Variants in SPIN1 observed in about 807,000 individuals in gnomAD.
The protein encoded by SPIN1 is spindlin-1.
In SPIN1, 3 loss-of-function variants were observed where a neutral mutation model predicts 26.0. That is an observed-to-expected ratio of 0.12 (90% confidence interval 0.05 to 0.30). The LOEUF (loss-of-function observed/expected upper bound fraction) is 0.30, where lower values mean the gene tolerates loss of function less well. Ranked by LOEUF, SPIN1 falls within the 10% of genes least tolerant of loss-of-function variation. SPIN1 has a pLI of 1.00. For missense variants in SPIN1, 126 were observed against 333.4 expected, an observed-to-expected ratio of 0.38 and a Z score of 4.84; for synonymous variants, 101 against 116.5, an observed-to-expected ratio of 0.87 and a Z score of 0.86.
rs181769987 is a variant in SPIN1 at position 88,447,383 on chromosome 9, T to G, written c.53-1558T>G. On this transcript the variant is annotated intron_variant, in intron 2 of 5. Coordinates refer to ENST00000375859, the MANE Select transcript of SPIN1 (RefSeq NM_006717.3). ...TGGAGTTACAATCTGCTACTTTTTTTTGTGTCTAATAATTTTTGTTGGTGT... is the reference window on the plus strand; with the variant it reads ...TGGAGTTACAATCTGCTACTTTTTTGTGTGTCTAATAATTTTTGTTGGTGT... Among the ~76,000 whole-genome samples, 68 of 152,352 alleles carry G rather than the reference T, an allele frequency of 4.5e-4. 1 individual carries two copies. Among genetic ancestry groups the G allele is most frequent in the East Asian group, 1.9e-4 (1 of 5,192 alleles).
chr9:88,438,751 C>T (rs949509813), intron 2 of SPIN1, among the ~76,000 whole-genome samples: 1 of 152,136 alleles, frequency 6.6e-6, no homozygotes, highest in Non-Finnish European at 1.5e-5. Flanking sequence ...ACTTCAACAT[C>T]TGAAACTTTT....
At chr9:88,420,073 A>C (rs1827641297) in intron 1 of SPIN1, among the ~76,000 whole-genome samples, 1 of 152,216 alleles carries the variant, frequency 6.6e-6, no homozygotes, top group South Asian at 2.1e-4. Context: ...ATCACAGTCA[A>C]GTTTAAAAGA....
rs1828909755 is a variant in SPIN1 at position 88,477,540 on chromosome 9, G to T, written c.*2263G>T. 2 of 150,820 alleles carry T rather than the reference G, an allele frequency of 1.3e-5. No homozygotes were observed. Among genetic ancestry groups the T allele is most frequent in the Non-Finnish European group, 3.0e-5 (2 of 67,562 alleles). The allele number at this position is 150,820 out of a possible 1,614,324, so 9.3% of individuals were successfully genotyped here. On this transcript the variant is annotated 3_prime_UTR_variant, in exon 6 of 6. Transcript: ENST00000375859. ...TAGGGCTGAGGGAAAGGGAAGGTTT[G>T]TTTTTTTTTCTCCCCATTTTCCCCC...
intron 1 of SPIN1, chr9:88,411,173 C>G (rs1827435515): frequency 7.2e-7 from 1 of 1,398,292 alleles, no homozygotes; most frequent in Admixed American, 1.7e-5. Flanking sequence ...GGCACCTGGT[C>G]TTTAAGAATC....
At chr9:88,390,753 T>C (rs1016062463) in intron 1 of SPIN1, among the ~76,000 whole-genome samples, 6 of 152,180 alleles carry the variant, frequency 3.9e-5, no homozygotes, top group African/African-American at 1.4e-4. Flanking sequence ...AGACATGGAA[T>C]CACAATGGCC....
chr9:88,412,043 G>A (rs1313838000), intron 1 of SPIN1, among the ~76,000 whole-genome samples: 1 of 151,662 alleles, frequency 6.6e-6, no homozygotes, highest in Non-Finnish European at 1.5e-5. Flanking sequence ...GCTGGGCCTT[G>A]TGGTGGGCGC....
rs536666937 is a variant in SPIN1 at position 88,395,868 on chromosome 9, G to A, written c.-159+7330G>A. Among the ~76,000 whole-genome samples the A allele has an allele frequency of 8.5e-5, 13 of 152,096 alleles. No homozygotes were observed. The East Asian group carries it at 2.3e-3, about 27-fold the overall frequency. ...TCAAGAACAGCCTGACCAACGTGGTGAAACCCCATCTCTGCTAAAAATACA... is the reference window on the plus strand; with the variant it reads ...TCAAGAACAGCCTGACCAACGTGGTAAAACCCCATCTCTGCTAAAAATACA... On this transcript the variant is annotated intron_variant, in intron 1 of 5. Transcript: ENST00000375859.
At chr9:88,451,223 C>T (rs1471723492) in intron 3 of SPIN1, among the ~76,000 whole-genome samples, 1 of 152,142 alleles carries the variant, frequency 6.6e-6, no homozygotes, top group Non-Finnish European at 1.5e-5. Flanking sequence ...GGCTCAATGA[C>T]GGTGGCCCTC....
At chr9:88,414,848 T>G (rs1306845284) in intron 1 of SPIN1, among the ~76,000 whole-genome samples, 1 of 152,210 alleles carries the variant, frequency 6.6e-6, no homozygotes, top group African/African-American at 2.4e-5. Context: ...TTTGACCACG[T>G]ATTACACTTG....
intron 2 of SPIN1, among the ~76,000 whole-genome samples, chr9:88,438,924 G>A (rs1156576625): frequency 1.3e-5 from 2 of 152,132 alleles, no homozygotes; most frequent in African/African-American, 2.4e-5. Flanking sequence ...TTATATGATC[G>A]AAGAGAGACT....
At position 88,456,548 on chromosome 9, in the gene SPIN1, T is replaced by C. The variant is rs371083795; in HGVS notation, c.102-5948T>C. On this transcript the variant is annotated intron_variant, in intron 3 of 5. Coordinates refer to ENST00000375859, the MANE Select transcript of SPIN1 (RefSeq NM_006717.3). ...GGCATTGGAACAGAAGATGCTCAAC[T>C]TACCTCCTCTTGATTTAAAGATACC... 3.3e-5 allele frequency among the ~76,000 whole-genome samples: 5 copies of C among 152,308 alleles called. No homozygotes were observed. In the South Asian group the frequency reaches 8.3e-4, roughly 25 times the overall value.
chr9:88,463,025 T>C (rs1356962907), intron 4 of SPIN1, among the ~76,000 whole-genome samples: 1 of 152,202 alleles, frequency 6.6e-6, no homozygotes, highest in East Asian at 1.9e-4. Flanking sequence ...CACTGTTCTC[T>C]GGACTCTGAT....
chr9:88,434,440 G>GGTTCT (rs10689283), intron 2 of SPIN1, among the ~76,000 whole-genome samples: 49,359 of 146,958 alleles, frequency 0.34, 15,258 homozygotes, highest in African/African-American at 0.82. Context: ...TATAAATTAC[G>GGTTCT]GTTTTCTTCA....
At chr9:88,411,346 T>G in intron 1 of SPIN1, 1 of 1,515,382 alleles carries the variant, frequency 6.6e-7, no homozygotes, top group Non-Finnish European at 9.1e-7. Context: ...AGTCCGTGAG[T>G]GTCCCCCATT....
chr9:88,416,872 C>T (rs1339625670), intron 1 of SPIN1: 1 of 152,258 alleles, frequency 6.6e-6, no homozygotes, highest in Non-Finnish European at 1.5e-5. Context: ...ATCTGCCCAC[C>T]TCAGCCTCCC....
chr9:88,473,300 G>C (rs1828826080), intron 5 of SPIN1, among the ~76,000 whole-genome samples: 1 of 152,104 alleles, frequency 6.6e-6, no homozygotes, highest in South Asian at 2.1e-4. Flanking sequence ...GGCTGAAGCA[G>C]AAGAATCACT....
intron 1 of SPIN1, chr9:88,410,992 G>A (rs946892851): frequency 3.2e-5 from 47 of 1,491,184 alleles, no homozygotes; most frequent in African/African-American, 1.2e-4. Flanking sequence ...TATCCACGGA[G>A]TTGTGGTCGT....
intron 1 of SPIN1, chr9:88,411,406 T>A: frequency 6.3e-7 from 1 of 1,592,458 alleles, no homozygotes; most frequent in Non-Finnish European, 8.6e-7. Context: ...AGCTCAACCC[T>A]CCAATGAAGA....
chr9:88,398,728 A>G (rs1032977505), intron 1 of SPIN1, among the ~76,000 whole-genome samples: 1 of 151,794 alleles, frequency 6.6e-6, no homozygotes, highest in Non-Finnish European at 1.5e-5. Flanking sequence ...GGCATGCACC[A>G]CCACACCCAG....
Sources: allele counts gnomAD v4.1 joint callset (sites outside exome capture counted in the v4.1 genomes callset), GRCh38; gene constraint gnomAD v4.1.1; transcripts MANE v1.5; gene names NCBI Gene and HGNC (gene_info 2026-07-23, HGNC 2026-07-21).